The following CECR2 variants were observed in gnomAD, a reference collection of about 807,000 sequenced individuals.
CECR2 encodes CECR2 histone acetyl-lysine reader.
CECR2 carries 30 observed loss-of-function variants against 154.5 expected under a neutral mutation model. The observed-to-expected ratio is 0.19, with a 90% CI of 0.15 to 0.26. CECR2 has a LOEUF of 0.26. Among genes scored for constraint, CECR2 ranks in the 10% least tolerant of loss-of-function variants. The pLI is 1.00. For missense variants in CECR2, 1,743 were observed against 1,829.3 expected (o/e 0.95, Z 0.86); for synonymous variants, 725 against 683.7 (o/e 1.06, Z -0.94).
upstream of CECR2, among the ~76,000 whole-genome samples, chr22:17,367,387 T>A (rs186877324): frequency 0.014 from 2,085 of 152,200 alleles, 51 homozygotes; most frequent in African/African-American, 0.048. Context: ...CTTTTTTTTT[T>A]TAATTTTTAT....
chr22:17,531,673 T>C (rs2056357741), intron 9 of CECR2, among the ~76,000 whole-genome samples: 1 of 152,220 alleles, frequency 6.6e-6, no homozygotes, highest in Non-Finnish European at 1.5e-5. Context: ...TGAGTAGTTT[T>C]TTGGTTTGAT....
At chr22:17,387,879 G>A (rs1315524878) in intron 1 of CECR2, among the ~76,000 whole-genome samples, 1 of 152,012 alleles carries the variant, frequency 6.6e-6, no homozygotes, top group African/African-American at 2.4e-5. Flanking sequence ...GATAGGATTA[G>A]TGTTTTTAAT....
At chr22:17,497,698 G>C in intron 3 of CECR2, 112 bp downstream of exon 3, 1 of 1,001,954 alleles carries the variant, frequency 1.0e-6, no homozygotes. Flanking sequence ...TGTGGTACTA[G>C]TCTTGGTACT....
intron 9 of CECR2, among the ~76,000 whole-genome samples, chr22:17,531,656 CAAT>C (rs1445465107): frequency 1.3e-5 from 2 of 152,260 alleles, no homozygotes; most frequent in East Asian, 3.9e-4. Context: ...TGTTCAGAAA[CAAT>C]GATTGAGTAG....
chr22:17,503,883 C>T (rs991239916), intron 6 of CECR2, among the ~76,000 whole-genome samples: 1 of 151,612 alleles, frequency 6.6e-6, no homozygotes, highest in African/African-American at 2.4e-5. Flanking sequence ...CCCATCTCTA[C>T]TAAAAATACA....
intron 1 of CECR2, among the ~76,000 whole-genome samples, chr22:17,458,127 G>A (rs938675101): frequency 3.9e-5 from 6 of 152,084 alleles, no homozygotes; most frequent in South Asian, 2.1e-4. Flanking sequence ...ATAAAACTGC[G>A]TAGAACTGGC....
intron 1 of CECR2, among the ~76,000 whole-genome samples, chr22:17,457,332 T>A (rs1433063033): frequency 6.6e-6 from 1 of 152,220 alleles, no homozygotes; most frequent in Non-Finnish European, 1.5e-5. Flanking sequence ...TGGCCTATAT[T>A]TACTAGTTTT....
chr22:17,432,042 G>A (rs1167334593), intron 1 of CECR2, among the ~76,000 whole-genome samples: 1 of 149,532 alleles, frequency 6.7e-6, no homozygotes, highest in Non-Finnish European at 1.5e-5. Context: ...GCCCCACTTT[G>A]TGCCTGTATG....
chr22:17,452,284 G>A (rs5746401), intron 1 of CECR2, among the ~76,000 whole-genome samples: 44,691 of 151,990 alleles, frequency 0.29, 9,277 homozygotes, highest in African/African-American at 0.56. Flanking sequence ...TGTTCTTCAG[G>A]GCTGGTCTCG....
At chr22:17,399,406 A>T (rs1180472900) in intron 1 of CECR2, among the ~76,000 whole-genome samples, 10 of 146,546 alleles carry the variant, frequency 6.8e-5, no homozygotes, top group Non-Finnish European at 1.5e-5. Flanking sequence ...GAGGAGTTGA[A>T]GTAATGGTGA....
intron 1 of CECR2, among the ~76,000 whole-genome samples, chr22:17,440,664 C>T (rs912376934): frequency 1.3e-5 from 2 of 152,044 alleles, no homozygotes; most frequent in Non-Finnish European, 2.9e-5. Context: ...GGTTGTATAG[C>T]ATTATATAGC....
At chr22:17,513,114 C>T (rs2055989185) in intron 8 of CECR2, among the ~76,000 whole-genome samples, 1 of 151,824 alleles carries the variant, frequency 6.6e-6, no homozygotes. Flanking sequence ...AGCTCAGGAG[C>T]CTGAAGCAGG....
At chr22:17,363,961 T>C (rs2062988866) in intron 1 of CECR2, among the ~76,000 whole-genome samples, 1 of 152,126 alleles carries the variant, frequency 6.6e-6, no homozygotes, top group African/African-American at 2.4e-5. Flanking sequence ...TAAATTAGCT[T>C]GGTGTATAGC....
At chr22:17,417,105 T>C (rs964970534) in intron 1 of CECR2, among the ~76,000 whole-genome samples, 2 of 152,096 alleles carry the variant, frequency 1.3e-5, no homozygotes, top group Non-Finnish European at 2.9e-5. Context: ...TGTTTTACCC[T>C]CGTTAATTCT....
intron 1 of CECR2, among the ~76,000 whole-genome samples, chr22:17,415,519 G>A (rs2054144715): frequency 6.6e-6 from 1 of 152,244 alleles, no homozygotes. Flanking sequence ...TGGGATTACA[G>A]GCGTGAGCCA....
At chr22:17,383,821 C>T (rs2146482919) in intron 1 of CECR2, among the ~76,000 whole-genome samples, 2 of 151,966 alleles carry the variant, frequency 1.3e-5, no homozygotes, top group African/African-American at 4.8e-5. Flanking sequence ...TGCACCACCA[C>T]GTCTGGCTAA....
intron 2 of CECR2, among the ~76,000 whole-genome samples, chr22:17,487,871 TA>T (rs1403452381): frequency 1.1e-5 from 1 of 93,314 alleles, no homozygotes; most frequent in Non-Finnish European, 2.3e-5. Flanking sequence ...ATTTTTCATG[TA>T]TTTATTTATT....
intron 1 of CECR2, among the ~76,000 whole-genome samples, chr22:17,475,021 G>A (rs891815396): frequency 3.9e-5 from 6 of 152,084 alleles, no homozygotes; most frequent in Non-Finnish European, 5.9e-5. Flanking sequence ...ATCACGATCC[G>A]ATTGTGCTCT....
At chr22:17,501,162 G>T (rs1469805350) in intron 5 of CECR2, among the ~76,000 whole-genome samples, 2 of 152,124 alleles carry the variant, frequency 1.3e-5, no homozygotes, top group Non-Finnish European at 2.9e-5. Context: ...TTTACTTAAG[G>T]ATCAGCTCTA....
Sources: allele counts gnomAD v4.1 joint callset (sites outside exome capture counted in the v4.1 genomes callset), GRCh38; gene constraint gnomAD v4.1.1; transcripts MANE v1.5; gene names NCBI Gene and HGNC (gene_info 2026-07-23, HGNC 2026-07-21).